CPPED1: variants seen among roughly 807,000 people sequenced by gnomAD.
CPPED1 encodes serine/threonine-protein phosphatase CPPED1.
In CPPED1, 28 loss-of-function variants were observed where a neutral mutation model predicts 28.0. The ratio of observed to expected loss-of-function variants is 1.00; its 90% CI spans 0.74 to 1.37. CPPED1 has a LOEUF of 1.37. Ranked by LOEUF, CPPED1 falls within the 40% of genes most tolerant of loss-of-function variation. The pLI, the probability that CPPED1 is intolerant of heterozygous loss-of-function variation, is 0.00. For synonymous variants in CPPED1, 198 were observed against 180.2 expected (o/e 1.10, Z -0.79); for missense variants, 504 against 416.5 (o/e 1.21, Z -1.83).
intron 2 of CPPED1, among the ~76,000 whole-genome samples, chr16:12,728,107 C>T (rs932874188): frequency 3.3e-5 from 5 of 152,148 alleles, no homozygotes; most frequent in Non-Finnish European, 5.9e-5. Context: ...TTTGCAATTT[C>T]TGTTATTATT....
At position 12,726,878 on chromosome 16, in the gene CPPED1, G is replaced by A. The variant is rs953801985; in HGVS notation, c.290-21829C>T. Among the ~76,000 whole-genome samples, 8 of 152,096 alleles carry A rather than the reference G, an allele frequency of 5.3e-5. 1 individual carries two copies. Among genetic ancestry groups the A allele is most frequent in the Admixed American group, 1.3e-4 (2 of 15,248 alleles). On this transcript the variant is annotated intron_variant, in intron 2 of 3. Coordinates refer to ENST00000381774, the MANE Select transcript of CPPED1 (RefSeq NM_018340.3). ...GTGTACTTTATCTTCAAAGAATAGA[G>A]GAAAAAAATGGTGTTAGTGTACGGG...
intron 3 of CPPED1, among the ~76,000 whole-genome samples, chr16:12,676,190 G>T (rs760399540): frequency 1.3e-5 from 2 of 152,188 alleles, no homozygotes; most frequent in Non-Finnish European, 2.9e-5. Flanking sequence ...AGGGGACATG[G>T]TGGAAGGGAT....
intron 2 of CPPED1, chr16:12,761,159 C>T (rs2080407208): frequency 6.6e-6 from 1 of 152,112 alleles, no homozygotes; most frequent in Admixed American, 6.6e-5. Context: ...CACCTGTAAT[C>T]CCAGCTACTT....
intron 3 of CPPED1, among the ~76,000 whole-genome samples, chr16:12,699,764 A>G (rs1310727412): frequency 6.6e-6 from 1 of 152,194 alleles, no homozygotes; most frequent in African/African-American, 2.4e-5. Flanking sequence ...GATAAATGAG[A>G]CTGAGACAGT....
intron 1 of CPPED1, among the ~76,000 whole-genome samples, chr16:12,803,300 C>T (rs948070660): frequency 3.3e-5 from 5 of 152,240 alleles, no homozygotes; most frequent in African/African-American, 1.2e-4. Context: ...CCGACACCCT[C>T]TAACATGCAC....
intron 1 of CPPED1, among the ~76,000 whole-genome samples, chr16:12,802,849 AAG>A (rs1178822110): frequency 2.0e-5 from 3 of 152,326 alleles, no homozygotes; most frequent in South Asian, 4.1e-4. Flanking sequence ...AGAACTGGGC[AAG>A]AGAGAGAATG....
In CPPED1 at chr16:12,788,706, G is replaced by C. The variant is rs536283928; in HGVS notation, c.71-7303C>G. Among the ~76,000 whole-genome samples the C allele has an allele frequency of 3.3e-5, 5 of 152,320 alleles. No individual in the cohort carries two copies. In the South Asian group the frequency reaches 1.0e-3, roughly 32 times the overall value. ...TGGGCTGGATGGCCTGGAGTGGTGA[G>C]AGCCATGATGAAGACAGAACATGCT... On this transcript the variant is annotated intron_variant, in intron 1 of 3. Transcript: ENST00000381774.
rs145592597 is a variant in CPPED1, at chr16:12,750,733, G to C, written c.289+30452C>G. On this transcript the variant is annotated intron_variant, in intron 2 of 3. Transcript: ENST00000381774. ...CGCCTATAGTCCCAGTACTTTGGGAGGCTGAGGTGGGCGGATCACTTGCGG... is the reference window on the plus strand; with the variant it reads ...CGCCTATAGTCCCAGTACTTTGGGACGCTGAGGTGGGCGGATCACTTGCGG... Among the ~76,000 whole-genome samples, 1,037 of 152,340 alleles carry C rather than the reference G, an allele frequency of 6.8e-3. 17 individuals carry two copies. Among genetic ancestry groups the C allele is most frequent in the African/African-American group, 0.023 (962 of 41,574 alleles).
chr16:12,799,107 T>C (rs1439268385), intron 1 of CPPED1, among the ~76,000 whole-genome samples: 3 of 152,146 alleles, frequency 2.0e-5, no homozygotes, highest in Non-Finnish European at 4.4e-5. Context: ...AGGCTACACT[T>C]GGAAAACAAA....
At chr16:12,671,494 G>A (rs757462024) in intron 3 of CPPED1, among the ~76,000 whole-genome samples, 2 of 152,124 alleles carry the variant, frequency 1.3e-5, no homozygotes, top group South Asian at 2.1e-4. Flanking sequence ...GGTGAGTGGG[G>A]TTCTGGGAGG....
At chr16:12,678,751 T>C (rs2079890640) in intron 3 of CPPED1, among the ~76,000 whole-genome samples, 1 of 152,222 alleles carries the variant, frequency 6.6e-6, no homozygotes, top group Admixed American at 6.5e-5. Flanking sequence ...CCTGAGACCT[T>C]GCTAAATTCA....
At chr16:12,693,101 G>A (rs1489987631) in intron 3 of CPPED1, among the ~76,000 whole-genome samples, 1 of 152,158 alleles carries the variant, frequency 6.6e-6, no homozygotes, top group Admixed American at 6.5e-5. Context: ...TACAACTGAC[G>A]TGCTCAGTTT....
At chr16:12,792,819 T>C (rs1232366830) in intron 1 of CPPED1, among the ~76,000 whole-genome samples, 1 of 152,192 alleles carries the variant, frequency 6.6e-6, no homozygotes, top group Non-Finnish European at 1.5e-5. Context: ...TCTTCCCCCA[T>C]GATTGTGAGG....
At position 12,781,207 on chromosome 16, in the gene CPPED1, G is replaced by C. The variant is rs764661639; in HGVS notation, c.267C>G (p.Gly89=). ...NPKPKFFVLC[G]DLIHAMPGKP... is the part of the protein sequence containing the mutation. ...TACCTGGCATGGCGTGGATGAGGTC[G>C]CCGCACAGAACGAAGAATTTGGGTT... Residue 89 remains glycine, a synonymous_variant, in exon 2 of 4, where the codon GGC becomes GGG. Coordinates refer to ENST00000381774, the MANE Select transcript of CPPED1 (RefSeq NM_018340.3). 2 of 1,613,444 alleles carry C rather than the reference G, an allele frequency of 1.2e-6. No individual in the cohort carries two copies.
chr16:12,744,291 AG>A (rs67741696), intron 2 of CPPED1, among the ~76,000 whole-genome samples: 56,600 of 136,440 alleles, frequency 0.41, 12,137 homozygotes, highest in Admixed American at 0.52. Flanking sequence ...AGAGAGAGAG[AG>A]AGAGAAAGCA....
At chr16:12,777,880 T>A (rs1053819938) in intron 2 of CPPED1, among the ~76,000 whole-genome samples, 6 of 150,590 alleles carry the variant, frequency 4.0e-5, no homozygotes, top group African/African-American at 1.5e-4. Flanking sequence ...AAAAAAAAAA[T>A]GAAAGTTCTT....
At chr16:12,750,174 A>G (rs2080318419) in intron 2 of CPPED1, among the ~76,000 whole-genome samples, 1 of 152,110 alleles carries the variant, frequency 6.6e-6, no homozygotes, top group South Asian at 2.1e-4. Flanking sequence ...TCACTTTCTT[A>G]TCATTTATGT....
chr16:12,682,252 C>T lies in CPPED1; in HGVS notation c.716-17137G>A, dbSNP rs1596443929. On this transcript the variant is annotated intron_variant, in intron 3 of 3. Coordinates refer to ENST00000381774, the MANE Select transcript of CPPED1 (RefSeq NM_018340.3). The surrounding 1 kb of genome is among the most constrained non-coding windows in gnomAD (Gnocchi z 6.1). Reference sequence around the variant, plus strand: ...ATTTTACGATGTTGGCCAGGCTGATCTCAAACTCCTGAACTCAGGTGATCG... The same window carrying T: ...ATTTTACGATGTTGGCCAGGCTGATTTCAAACTCCTGAACTCAGGTGATCG... Among the ~76,000 whole-genome samples, 1 of 152,202 alleles carries T rather than the reference C, an allele frequency of 6.6e-6. No homozygotes were observed. Among genetic ancestry groups the T allele is most frequent in the Middle Eastern group, 3.4e-3 (1 of 294 alleles).
chr16:12,793,453 G>A (rs2080608635), intron 1 of CPPED1, among the ~76,000 whole-genome samples: 2 of 152,154 alleles, frequency 1.3e-5, no homozygotes, highest in South Asian at 2.1e-4. Flanking sequence ...AGCTCAGACT[G>A]AGGCCTGAGT....
Sources: gnomAD v4.1 joint callset for allele counts (sites outside exome capture counted in the v4.1 genomes callset) on GRCh38, gnomAD v4.1.1 for gene constraint, Gnocchi (gnomAD v3.1) non-coding constraint, MANE v1.5 for transcripts, NCBI Gene and HGNC (gene_info 2026-07-23, HGNC 2026-07-21) for gene names.